Variants in XPR1 observed in about 807,000 individuals in gnomAD.
XPR1 encodes xenotropic and polytropic retrovirus receptor 1.
Under a neutral mutation model 87.5 loss-of-function variants are expected in XPR1, and 28 were observed. The ratio of observed to expected loss-of-function variants is 0.32; its 90% CI spans 0.24 to 0.44. The LOEUF is 0.44. Ranked by LOEUF, XPR1 falls within the 20% of genes least tolerant of loss-of-function variation. The pLI, the probability that XPR1 is intolerant of heterozygous loss-of-function variation, is 1.00. For synonymous variants in XPR1, 300 were observed against 306.1 expected, an observed-to-expected ratio of 0.98 and a Z score of 0.21; for missense variants, 559 against 862.3, an observed-to-expected ratio of 0.65 and a Z score of 4.41.
At chr1:180,695,408 T>TTGTGTGTG (rs1205037869) in intron 2 of XPR1, among the ~76,000 whole-genome samples, 15,583 of 148,434 alleles carry the variant, frequency 0.1, 856 homozygotes, top group Middle Eastern at 0.12. Flanking sequence ...GTAGTCCCAT[T>TTGTGTGTG]TGTGTGTGTG....
chr1:180,874,043 T>C (rs1167348549), intron 13 of XPR1, 101 bp downstream of exon 13: 2 of 1,326,378 alleles, frequency 1.5e-6, no homozygotes, highest in Admixed American at 5.7e-5. Flanking sequence ...TTGAAAACCT[T>C]TAATTTTCCA....
At chr1:180,748,261 T>G (rs1647351104) in intron 2 of XPR1, among the ~76,000 whole-genome samples, 1 of 152,082 alleles carries the variant, frequency 6.6e-6, no homozygotes, top group Non-Finnish European at 1.5e-5. Context: ...TTCAGAAATC[T>G]TGTCGGCTGA....
At chr1:180,665,654 A>G (rs1655929626) in intron 1 of XPR1, among the ~76,000 whole-genome samples, 1 of 152,120 alleles carries the variant, frequency 6.6e-6, no homozygotes, top group South Asian at 2.1e-4. Context: ...TCCAATGTGA[A>G]GTCTCACAAT....
chr1:180,807,618 C>G (rs1042028915), intron 6 of XPR1, among the ~76,000 whole-genome samples: 2 of 152,152 alleles, frequency 1.3e-5, no homozygotes, highest in African/African-American at 2.4e-5. Flanking sequence ...TTTAAAGATA[C>G]GTTGTTTCTT....
chr1:180,882,004 T>G (rs1652864135), intron 14 of XPR1, among the ~76,000 whole-genome samples: 1 of 152,042 alleles, frequency 6.6e-6, no homozygotes, highest in Non-Finnish European at 1.5e-5. Context: ...AGTGGGTCAG[T>G]GAGATAAGTG....
chr1:180,703,468 G>A (rs1331262333), intron 2 of XPR1, among the ~76,000 whole-genome samples: 1 of 152,148 alleles, frequency 6.6e-6, no homozygotes, highest in Non-Finnish European at 1.5e-5. Flanking sequence ...ATGTGCGCAG[G>A]TGTTGGCCAT....
intron 2 of XPR1, among the ~76,000 whole-genome samples, chr1:180,699,090 T>C (rs1215096800): frequency 6.6e-6 from 1 of 152,166 alleles, no homozygotes; most frequent in African/African-American, 2.4e-5. Context: ...TTTTGTTAAA[T>C]AGGCTTTTTA....
intron 2 of XPR1, among the ~76,000 whole-genome samples, chr1:180,730,829 A>ATT (rs35510210): frequency 2.3e-3 from 347 of 149,656 alleles, no homozygotes; most frequent in African/African-American, 7.5e-3. Context: ...TGCCCAGCTA[A>ATT]TTTTTTTTTT....
chr1:180,667,572 A>G (rs1656004010), intron 1 of XPR1, among the ~76,000 whole-genome samples: 1 of 152,120 alleles, frequency 6.6e-6, no homozygotes, highest in South Asian at 2.1e-4. Flanking sequence ...GTTTTCTTGT[A>G]GCGTATTTGT....
At chr1:180,772,508 A>G (rs1648555073) in intron 2 of XPR1, among the ~76,000 whole-genome samples, 1 of 152,018 alleles carries the variant, frequency 6.6e-6, no homozygotes, top group Non-Finnish European at 1.5e-5. Flanking sequence ...TTTGTGTATG[A>G]ACTTTGTATA....
rs1652809659 is a variant in XPR1, at chr1:180,880,304, A to G, written c.2030+7A>G. 6.2e-7 allele frequency: 1 copy of G among 1,614,056 alleles called. No homozygotes were observed. Among genetic ancestry groups the G allele is most frequent in the Non-Finnish European group, 8.5e-7 (1 of 1,179,938 alleles). On this transcript the variant is annotated splice_region_variant and intron_variant, in intron 14 of 14. Transcript: ENST00000367590. ...GGCCTCGCCTCGCTTCTCAGTATGT[A>G]TGGCTTCTACTTCTGTGAGGCATAT...
intron 4 of XPR1, 139 bp from the exon 5 acceptor site, chr1:180,805,923 T>TG (rs1440589508): frequency 1.2e-6 from 1 of 840,058 alleles, no homozygotes; most frequent in African/African-American, 1.7e-5. Flanking sequence ...TAGTAGTAGA[T>TG]GCTTTTATGA....
intron 2 of XPR1, among the ~76,000 whole-genome samples, chr1:180,783,893 A>G (rs1480030234): frequency 6.6e-6 from 1 of 151,854 alleles, no homozygotes; most frequent in Non-Finnish European, 1.5e-5. Flanking sequence ...CATCTCTACT[A>G]AAACTGCAAA....
At chr1:180,872,405 C>A (rs1652527726) in intron 12 of XPR1, among the ~76,000 whole-genome samples, 1 of 6,364 alleles carries the variant, frequency 1.6e-4, no homozygotes, top group Non-Finnish European at 3.7e-4. Flanking sequence ...GGCGGGCGCC[C>A]CTCCCCCAGC....
intron 9 of XPR1, among the ~76,000 whole-genome samples, chr1:180,826,212 G>A (rs562846195): frequency 1.3e-5 from 2 of 152,154 alleles, no homozygotes; most frequent in Admixed American, 6.5e-5. Context: ...AGATAACTCC[G>A]GAAGGGGACT....
At chr1:180,843,627 T>C (rs1005466711) in intron 11 of XPR1, among the ~76,000 whole-genome samples, 3 of 152,080 alleles carry the variant, frequency 2.0e-5, no homozygotes, top group African/African-American at 4.8e-5. Flanking sequence ...CTTAAATTGC[T>C]TTTAAAATAT....
At position 180,860,914 on chromosome 1, in the gene XPR1, A is replaced by G. The variant is rs183346773; in HGVS notation, c.1502-2794A>G. The stretch of plus-strand genomic sequence containing the variant: ...AGATTTACATTTAAAATCTAGGAGA[A>G]ATACCAGAAAATTAGCACATTGCTT... On this transcript the variant is annotated intron_variant, in intron 11 of 14. Transcript: ENST00000367590. Among the ~76,000 whole-genome samples, 15 of 152,184 alleles carry G rather than the reference A, an allele frequency of 9.9e-5. No homozygotes were observed. In the East Asian group the frequency reaches 1.5e-3, roughly 16 times the overall value.
At chr1:180,770,455 C>G (rs1648472188) in intron 2 of XPR1, among the ~76,000 whole-genome samples, 1 of 152,112 alleles carries the variant, frequency 6.6e-6, no homozygotes, top group Non-Finnish European at 1.5e-5. Context: ...TCCCCACGGC[C>G]TCATCCAAAC....
chr1:180,866,224 A>G (rs975442052), intron 12 of XPR1, among the ~76,000 whole-genome samples: 5 of 139,962 alleles, frequency 3.6e-5, no homozygotes, highest in Non-Finnish European at 7.4e-5. Context: ...AAAAAAAAAC[A>G]AAAACAAAAA....
Sources: allele counts gnomAD v4.1 joint callset (sites outside exome capture counted in the v4.1 genomes callset), GRCh38; gene constraint gnomAD v4.1.1; transcripts MANE v1.5; gene names NCBI Gene and HGNC (gene_info 2026-07-23, HGNC 2026-07-21).